Variants in COX7A2 observed in about 807,000 individuals in gnomAD.
The protein encoded by COX7A2 is cytochrome c oxidase subunit 7A2, mitochondrial.
COX7A2 carries 11 observed loss-of-function variants against 11.6 expected under a neutral mutation model. The ratio of observed to expected loss-of-function variants is 0.95; its 90% CI spans 0.60 to 1.57. The LOEUF (loss-of-function observed/expected upper bound fraction) is 1.57, where lower values mean the gene tolerates loss of function less well. COX7A2 is among the 40% of genes most tolerant of loss of function. COX7A2 has a pLI of 0.00. For synonymous variants in COX7A2, 30 were observed against 38.2 expected, an observed-to-expected ratio of 0.78 and a Z score of 0.79; for missense variants, 106 against 100.9, an observed-to-expected ratio of 1.05 and a Z score of -0.22.
At chr6:75,241,374 T>C in intron 1 of COX7A2, 109 bp from the exon 2 acceptor site, 1 of 977,032 alleles carries the variant, frequency 1.0e-6, no homozygotes, top group Non-Finnish European at 1.4e-6. Context: ...TTGAAGCATA[T>C]CTGATTTGTC....
intron 3 of COX7A2, among the ~76,000 whole-genome samples, chr6:75,239,617 T>C (rs1771427917): frequency 6.6e-6 from 1 of 152,226 alleles, no homozygotes; most frequent in Non-Finnish European, 1.5e-5. Flanking sequence ...TAAATATGTC[T>C]GTACAAAGTT....
upstream of COX7A2, among the ~76,000 whole-genome samples, chr6:75,246,311 C>G (rs142123648): frequency 9.7e-3 from 1,479 of 152,298 alleles, 26 homozygotes; most frequent in Middle Eastern, 0.027. Context: ...TTATTTCAAG[C>G]CTTAAACTTT....
chr6:75,242,647 C>T (rs892495813), intron 1 of COX7A2, among the ~76,000 whole-genome samples: 3 of 152,050 alleles, frequency 2.0e-5, no homozygotes, highest in African/African-American at 7.2e-5. Context: ...TGGTGAAACC[C>T]CGTCTCTATT....
chr6:75,246,475 G>T (rs902524390), upstream of COX7A2, among the ~76,000 whole-genome samples: 44 of 152,094 alleles, frequency 2.9e-4, no homozygotes, highest in Admixed American at 2.0e-4. Context: ...TATGTCAAAA[G>T]CCTTTTTAAC....
upstream of COX7A2, among the ~76,000 whole-genome samples, chr6:75,246,082 A>G (rs149835293): frequency 1.7e-3 from 266 of 152,282 alleles, 2 homozygotes; most frequent in South Asian, 0.02. Flanking sequence ...CTAACATTGA[A>G]CTACTACTCC....
chr6:75,240,050 G>A (rs1007065052), intron 3 of COX7A2, among the ~76,000 whole-genome samples: 2 of 151,854 alleles, frequency 1.3e-5, no homozygotes, highest in African/African-American at 2.4e-5. Context: ...GCAGTGAGCC[G>A]AGATCGCGCC....
upstream of COX7A2, among the ~76,000 whole-genome samples, chr6:75,244,262 A>C (rs1187021897): frequency 2.0e-5 from 3 of 152,224 alleles, no homozygotes; most frequent in African/African-American, 7.2e-5. Context: ...TTGCTGCGGC[A>C]CATTACTGTT....
At chr6:75,247,874 A>ACCT, upstream of COX7A2, among the ~76,000 whole-genome samples, 1 of 152,172 alleles carries the variant, frequency 6.6e-6, no homozygotes, top group East Asian at 1.9e-4. Flanking sequence ...TCTCTCTGCC[A>ACCT]TATCTTGAAA....
chr6:75,243,107 A>G (rs1478187865), intron 1 of COX7A2, among the ~76,000 whole-genome samples: 1 of 152,248 alleles, frequency 6.6e-6, no homozygotes, highest in Non-Finnish European at 1.5e-5. Context: ...AATTTAAAAA[A>G]TAAAATAATC....
chr6:75,245,173 C>A (rs141469733), upstream of COX7A2, among the ~76,000 whole-genome samples: 330 of 152,252 alleles, frequency 2.2e-3, 1 homozygote, highest in Non-Finnish European at 3.6e-3. Flanking sequence ...GGTGACAGAT[C>A]TAAGAAGCTT....
At chr6:75,245,618 A>G (rs1259489357), upstream of COX7A2, among the ~76,000 whole-genome samples, 3 of 152,174 alleles carry the variant, frequency 2.0e-5, no homozygotes, top group African/African-American at 7.2e-5. Flanking sequence ...ACATTCCCAA[A>G]TTAAAAACAA....
chr6:75,240,339 G>A lies in COX7A2; in HGVS notation c.155C>T (p.Ala52Val). 1 of 1,607,856 alleles carries A rather than the reference G, an allele frequency of 6.2e-7. No individual in the cohort carries two copies. The highest frequency in any genetic ancestry group is 1.7e-5 in the Admixed American group (1 of 58,980). ...AATCATGGTGGCTCTATACAGGAGGGCATCAGCTACCCCACCCTTTAGATA... is the reference window on the plus strand; with the variant it reads ...AATCATGGTGGCTCTATACAGGAGGACATCAGCTACCCCACCCTTTAGATA... The part of the protein sequence containing the change: ...PLYLKGGVAD[A>V]LLYRATMILT... The change falls in exon 3 of 4, where the codon GCC becomes GTC. Residue 52 changes from alanine (A) to valine (V), a missense_variant. Ala to Val is a moderately conservative substitution (Grantham distance 64). Coordinates refer to ENST00000684430, the MANE Select transcript of COX7A2 (RefSeq NM_001366293.2).
upstream of COX7A2, chr6:75,243,998 G>T (rs1771618868): frequency 5.2e-6 from 3 of 580,638 alleles, no homozygotes; most frequent in South Asian, 6.1e-5. Flanking sequence ...CTGGTCCCTG[G>T]AGCTAAGGCT....
chr6:75,241,475 T>C (rs1771498466), intron 1 of COX7A2, among the ~76,000 whole-genome samples: 1 of 152,218 alleles, frequency 6.6e-6, no homozygotes, highest in African/African-American at 2.4e-5. Flanking sequence ...CCAAATAACA[T>C]ATTCAAGAAG....
upstream of COX7A2, among the ~76,000 whole-genome samples, chr6:75,246,312 C>T (rs1771681184): frequency 6.6e-6 from 1 of 152,180 alleles, no homozygotes; most frequent in African/African-American, 2.4e-5. Context: ...TATTTCAAGC[C>T]TTAAACTTTG....
chr6:75,242,574 C>A (rs1044344213), intron 1 of COX7A2, among the ~76,000 whole-genome samples: 8 of 141,274 alleles, frequency 5.7e-5, no homozygotes, highest in South Asian at 2.3e-4. Context: ...GTAATCCCAG[C>A]GCTTTGGGAG....
chr6:75,244,639 T>A (rs921205031), upstream of COX7A2, among the ~76,000 whole-genome samples: 5 of 152,244 alleles, frequency 3.3e-5, no homozygotes, highest in African/African-American at 4.8e-5. Flanking sequence ...ATATCTACCC[T>A]GTATTACAAT....
At chr6:75,242,611 C>CAA (rs34644037) in intron 1 of COX7A2, among the ~76,000 whole-genome samples, 144,186 of 152,036 alleles carry the variant, frequency 0.95, 68,388 homozygotes, top group East Asian at 0.98. Flanking sequence ...CACTTGAGGT[C>CAA]GAGTCCGAGA....
chr6:75,239,059 C>A (rs975622274), intron 3 of COX7A2, among the ~76,000 whole-genome samples: 1 of 152,192 alleles, frequency 6.6e-6, no homozygotes, highest in African/African-American at 2.4e-5. Flanking sequence ...AGGTGATCTG[C>A]CAGCCTCAGC....
Sources: allele counts gnomAD v4.1 joint callset (sites outside exome capture counted in the v4.1 genomes callset), GRCh38; gene constraint gnomAD v4.1.1; transcripts MANE v1.5; gene names NCBI Gene and HGNC (gene_info 2026-07-23, HGNC 2026-07-21).